Variants in AFAP1 observed in about 807,000 individuals in gnomAD.
AFAP1 encodes actin filament-associated protein 1.
Under a neutral mutation model 93.9 loss-of-function variants are expected in AFAP1, and 75 were observed. The ratio of observed to expected loss-of-function variants is 0.80; its 90% CI spans 0.66 to 0.97. AFAP1 has a LOEUF of 0.97. AFAP1 is among the 50% of genes least tolerant of loss of function. The pLI is 0.00. For synonymous variants in AFAP1, 517 were observed against 430.7 expected (o/e 1.20, Z -2.48); for missense variants, 1,201 against 1,050.8 (o/e 1.14, Z -1.98).
chr4:7,911,383 T>C (rs1239584889), intron 1 of AFAP1, among the ~76,000 whole-genome samples: 1 of 152,224 alleles, frequency 6.6e-6, no homozygotes, highest in African/African-American at 2.4e-5. Flanking sequence ...GCCTCGCCCA[T>C]GTTGCAGGCA....
chr4:7,858,397 T>G (rs1715307024), intron 3 of AFAP1, among the ~76,000 whole-genome samples: 1 of 152,132 alleles, frequency 6.6e-6, no homozygotes, highest in South Asian at 2.1e-4. Context: ...TGCTAAAGAA[T>G]CACTCCACTC....
At chr4:7,908,801 T>G (rs1719568086) in intron 1 of AFAP1, among the ~76,000 whole-genome samples, 1 of 152,214 alleles carries the variant, frequency 6.6e-6, no homozygotes, top group Non-Finnish European at 1.5e-5. Flanking sequence ...GTTAACGAAG[T>G]CTGAGTGCTT....
chr4:7,765,664 G>C (rs902200325), intron 17 of AFAP1, among the ~76,000 whole-genome samples: 4 of 152,256 alleles, frequency 2.6e-5, no homozygotes, highest in African/African-American at 9.6e-5. Flanking sequence ...ACCCAGGTCA[G>C]AGCAGCGGCA....
chr4:7,939,598 C>A lies in AFAP1; in HGVS notation c.-3+58G>T. The A allele has an allele frequency of 7.4e-6, 3 of 402,836 alleles. No homozygotes were observed. Among genetic ancestry groups the A allele is most frequent in the Non-Finnish European group, 9.8e-6 (2 of 204,988 alleles). The allele number at this position is 402,836 out of a possible 1,614,324, so 25.0% of individuals were successfully genotyped here. The stretch of plus-strand genomic sequence containing the variant: ...CGGAGCCCCGCTCGGAGCTTCCACG[C>A]CCGGGGCAGAGACCCCCGCCGGGTC... On this transcript the variant is annotated intron_variant, in intron 1 of 17. Transcript: ENST00000420658. This position sits in a 1 kb window ranked among gnomAD's most constrained non-coding sequence, Gnocchi z 5.6.
chr4:7,781,860 A>G (rs766205798), intron 12 of AFAP1, among the ~76,000 whole-genome samples: 2 of 152,172 alleles, frequency 1.3e-5, no homozygotes, highest in Non-Finnish European at 2.9e-5. Flanking sequence ...AAAGGACTTG[A>G]CTTCTGAAGC....
chr4:7,863,892 C>A (rs1037983046), intron 3 of AFAP1, among the ~76,000 whole-genome samples: 2 of 152,210 alleles, frequency 1.3e-5, no homozygotes, highest in Non-Finnish European at 2.9e-5. Context: ...TAGAACCTAG[C>A]TGAAGTAAAT....
intron 3 of AFAP1, among the ~76,000 whole-genome samples, chr4:7,864,893 G>C (rs767236553): frequency 6.6e-6 from 1 of 152,096 alleles, no homozygotes; most frequent in Non-Finnish European, 1.5e-5. Context: ...CAGGAGGATT[G>C]CTTGAGCACA....
intron 10 of AFAP1, among the ~76,000 whole-genome samples, chr4:7,796,952 C>T (rs1403321112): frequency 2.0e-5 from 3 of 151,676 alleles, no homozygotes; most frequent in East Asian, 1.9e-4. Flanking sequence ...CCCAGCTGCT[C>T]GGGAGGCTGA....
intron 1 of AFAP1, among the ~76,000 whole-genome samples, chr4:7,899,881 T>TAAATAAATAAATAAATAAATAAA (rs1282881019): frequency 2.0e-5 from 3 of 151,582 alleles, no homozygotes; most frequent in African/African-American, 7.3e-5. Context: ...AATAAATAAA[T>TAAATAAATAAATAAATAAATAAA]AAAAAAGGAA....
chr4:7,860,377 A>C (rs941885731), intron 3 of AFAP1, among the ~76,000 whole-genome samples: 1 of 152,040 alleles, frequency 6.6e-6, no homozygotes, highest in Non-Finnish European at 1.5e-5. Flanking sequence ...AATGCTCCAA[A>C]ATCCAAAACT....
chr4:7,902,556 C>T lies in AFAP1; in HGVS notation c.-2-30476G>A, dbSNP rs116766087. Among the ~76,000 whole-genome samples the T allele has an allele frequency of 5.9e-3, 890 of 151,502 alleles. 6 individuals carry two copies. The highest frequency in any genetic ancestry group is 0.019 in the African/African-American group (782 of 40,972). ...CTGTTTCCGAATCTCCTTCTATTGTCGTGTTTATAAAATGTATGAGAAACA... is the reference window on the plus strand; with the variant it reads ...CTGTTTCCGAATCTCCTTCTATTGTTGTGTTTATAAAATGTATGAGAAACA... On this transcript the variant is annotated intron_variant, in intron 1 of 17. Coordinates refer to ENST00000420658, the MANE Select transcript of AFAP1 (RefSeq NM_001134647.2).
At chr4:7,839,955 A>C (rs914501885) in intron 5 of AFAP1, among the ~76,000 whole-genome samples, 4 of 152,216 alleles carry the variant, frequency 2.6e-5, no homozygotes, top group Non-Finnish European at 5.9e-5. Flanking sequence ...GAATTAAGTT[A>C]TTAGCAACAA....
At chr4:7,875,835 C>CA (rs892267207) in intron 1 of AFAP1, among the ~76,000 whole-genome samples, 55 of 152,030 alleles carry the variant, frequency 3.6e-4, no homozygotes, top group African/African-American at 1.3e-3. Context: ...CAAAAAGAGG[C>CA]AAATATTACG....
chr4:7,817,906 T>A (rs1047923000), intron 7 of AFAP1, among the ~76,000 whole-genome samples: 1 of 152,114 alleles, frequency 6.6e-6, no homozygotes, highest in African/African-American at 2.4e-5. Flanking sequence ...TTGTAATGAG[T>A]GACTTTTTTC....
chr4:7,812,655 C>T (rs145796377), intron 8 of AFAP1, among the ~76,000 whole-genome samples: 147 of 152,274 alleles, frequency 9.7e-4, no homozygotes, highest in African/African-American at 3.4e-3. Context: ...TCCAGGCACA[C>T]GCTGGCCCAT....
At chr4:7,917,796 C>T (rs146792797) in intron 1 of AFAP1, among the ~76,000 whole-genome samples, 2 of 152,120 alleles carry the variant, frequency 1.3e-5, no homozygotes, top group Non-Finnish European at 2.9e-5. Flanking sequence ...TGTACCTGCC[C>T]GGGGCTATTA....
intron 1 of AFAP1, among the ~76,000 whole-genome samples, chr4:7,885,833 G>A (rs770777834): frequency 3.9e-5 from 6 of 152,168 alleles, no homozygotes; most frequent in Non-Finnish European, 7.4e-5. Flanking sequence ...TCCTTTTCTC[G>A]AGCAAGTTGA....
intron 1 of AFAP1, among the ~76,000 whole-genome samples, chr4:7,919,385 A>G (rs1308685463): frequency 6.6e-6 from 1 of 152,214 alleles, no homozygotes; most frequent in Non-Finnish European, 1.5e-5. Flanking sequence ...TGTTTTTGGA[A>G]CAAGGGGGCT....
rs565667156 is a variant in AFAP1, at chr4:7,758,994, G to A, written c.*4771C>T. On this transcript the variant is annotated 3_prime_UTR_variant, in exon 18 of 18. Coordinates refer to ENST00000420658, the MANE Select transcript of AFAP1 (RefSeq NM_001134647.2). ...TATTTAATTTAAAAAAATCTTTGCTGTTTCTTTGCCTGTTTCTTTCAAAGA... is the reference window on the plus strand; with the variant it reads ...TATTTAATTTAAAAAAATCTTTGCTATTTCTTTGCCTGTTTCTTTCAAAGA... The A allele has an allele frequency of 2.0e-5, 3 of 152,552 alleles. No individual in the cohort carries two copies. In the South Asian group the frequency reaches 6.2e-4, roughly 32 times the overall value. The allele number at this position is 152,552 out of a possible 1,614,324, so 9.4% of individuals were successfully genotyped here.
Sources: allele counts gnomAD v4.1 joint callset (sites outside exome capture counted in the v4.1 genomes callset), GRCh38; gene constraint gnomAD v4.1.1; non-coding constraint Gnocchi (gnomAD v3.1); transcripts MANE v1.5; gene names NCBI Gene and HGNC (gene_info 2026-07-23, HGNC 2026-07-21).